The following RANBP2 variants were observed in gnomAD, a reference collection of about 807,000 sequenced individuals.
RANBP2 encodes RAN binding protein 2, also known as E3 SUMO-protein ligase RanBP2.
RANBP2 carries 57 observed loss-of-function variants against 303.6 expected under a neutral mutation model. The observed-to-expected ratio is 0.19, with a 90% CI of 0.15 to 0.23. The LOEUF is 0.23. Ranked by LOEUF, RANBP2 falls within the 10% of genes least tolerant of loss-of-function variation. RANBP2 has a pLI of 1.00. For missense variants in RANBP2, 3,138 were observed against 3,780.8 expected (o/e 0.83, Z 4.46); for synonymous variants, 1,167 against 1,301.5 (o/e 0.90, Z 2.23).
chr2:108,981,913 C>T, the RANBP2 span, among the ~76,000 whole-genome samples: 1 of 152,224 alleles, frequency 6.6e-6, no homozygotes, highest in East Asian at 1.9e-4. Flanking sequence ...AACAAATGCC[C>T]AATAAATGTG....
At chr2:109,596,591 T>C in the RANBP2 span, among the ~76,000 whole-genome samples, 20 of 151,154 alleles carry the variant, frequency 1.3e-4, no homozygotes, top group African/African-American at 3.7e-4. Context: ...CACTCCAGCC[T>C]GGCAGACAGC....
At position 108,763,618 on chromosome 2, in the gene RANBP2, C is replaced by A; in HGVS notation, c.3079C>A (p.Gln1027Lys). The A allele has an allele frequency of 1.9e-6, 3 of 1,614,162 alleles. No individual in the cohort carries two copies. Among genetic ancestry groups the A allele is most frequent in the Non-Finnish European group, 2.5e-6 (3 of 1,180,012 alleles). Residue 1027 changes from glutamine (Q) to lysine (K), a missense_variant, in exon 20 of 29, where the codon CAG becomes AAG. Coordinates refer to ENST00000283195, the MANE Select transcript of RANBP2 (RefSeq NM_006267.5). ...TTTGCCAACACAAGCACACACAACA[C>A]AGCCAACTCCTTTTAAATTTAACTC... ...PSLPTQAHTT[Q>K]PTPFKFNSNF...
chr2:109,004,172 C>T, the RANBP2 span, among the ~76,000 whole-genome samples: 4 of 152,326 alleles, frequency 2.6e-5, no homozygotes, highest in Middle Eastern at 3.4e-3. Flanking sequence ...GGTCTTGTAT[C>T]TCAGGAGCTC....
the RANBP2 span, among the ~76,000 whole-genome samples, chr2:109,334,840 G>T: frequency 6.6e-6 from 1 of 152,192 alleles, no homozygotes; most frequent in Admixed American, 6.5e-5. Context: ...CCCCTCAGTA[G>T]CACTTCCAGG....
the RANBP2 span, among the ~76,000 whole-genome samples, chr2:109,321,797 G>A: frequency 1.3e-5 from 2 of 152,170 alleles, no homozygotes; most frequent in Admixed American, 6.5e-5. Context: ...TGTTCGCGAG[G>A]GATTGGTCAC....
chr2:108,787,369 C>G (rs1679038675), downstream of RANBP2, among the ~76,000 whole-genome samples: 1 of 152,210 alleles, frequency 6.6e-6, no homozygotes, highest in Non-Finnish European at 1.5e-5. Flanking sequence ...TCTCCCCTTC[C>G]CTCCCTACAA....
the RANBP2 span, among the ~76,000 whole-genome samples, chr2:109,108,980 A>G: frequency 6.6e-6 from 1 of 152,232 alleles, no homozygotes; most frequent in Non-Finnish European, 1.5e-5. Context: ...GCTGCTGGGC[A>G]TAAGTGCTGC....
Position 108,772,924 on chromosome 2 carries a change from G to T in RANBP2, c.8170G>T (p.Ala2724Ser). Residue 2724 changes from alanine (A) to serine (S), a missense_variant, in exon 23 of 29, where the codon GCA becomes TCA. Around this residue, in one of 20 missense-constraint regions of RANBP2, gnomAD observed 497 missense variants for 465.8 expected, o/e 1.07. Transcript: ENST00000283195. ...AAAGAAACCAACAGTTGAAGAGAAGGCAAAAGCAGATACGTTAAAACTTCC... is the reference window on the plus strand; with the variant it reads ...AAAGAAACCAACAGTTGAAGAGAAGTCAAAAGCAGATACGTTAAAACTTCC... ...WEKKPTVEEK[A>S]KADTLKLPPT... The T allele has an allele frequency of 6.2e-7, 1 of 1,613,976 alleles. No individual in the cohort carries two copies. The highest frequency in any genetic ancestry group is 8.5e-7 in the Non-Finnish European group (1 of 1,179,960).
the RANBP2 span, among the ~76,000 whole-genome samples, chr2:109,344,396 T>C: frequency 1.3e-5 from 2 of 152,186 alleles, no homozygotes; most frequent in Non-Finnish European, 2.9e-5. Flanking sequence ...AAGCCCTGCA[T>C]GTTCCAGGTT....
chr2:109,747,641 C>T, the RANBP2 span, among the ~76,000 whole-genome samples: 10 of 150,678 alleles, frequency 6.6e-5, no homozygotes, highest in Admixed American at 1.3e-4. Context: ...CCAGTTACTC[C>T]GGAGGCTGAG....
chr2:109,451,049 C>T, the RANBP2 span, among the ~76,000 whole-genome samples: 2,465 of 152,334 alleles, frequency 0.016, 66 homozygotes, highest in African/African-American at 0.056. Context: ...GAGCCGGGAA[C>T]GCTGCAGACA....
At chr2:108,912,948 C>CT in the RANBP2 span, among the ~76,000 whole-genome samples, 14,546 of 139,088 alleles carry the variant, frequency 0.1, 971 homozygotes, top group African/African-American at 0.19. Flanking sequence ...CGTTATTGTT[C>CT]TTTTTTTTTT....
chr2:109,524,423 T>C, the RANBP2 span, among the ~76,000 whole-genome samples: 1 of 120,574 alleles, frequency 8.3e-6, no homozygotes, highest in Non-Finnish European at 1.6e-5. Context: ...GATCTTAGGG[T>C]GACAGAGTGG....
chr2:108,873,564 A>G, the RANBP2 span: 1 of 1,608,626 alleles, frequency 6.2e-7, no homozygotes, highest in Non-Finnish European at 8.5e-7. Flanking sequence ...ACTCAGTATT[A>G]TTTTACAGAA....
the RANBP2 span, among the ~76,000 whole-genome samples, chr2:109,060,012 T>C: frequency 6.6e-6 from 1 of 152,134 alleles, no homozygotes; most frequent in African/African-American, 2.4e-5. Context: ...ACTTCTAGAG[T>C]ACCCTCAGCT....
At chr2:109,134,266 C>T in the RANBP2 span, among the ~76,000 whole-genome samples, 3 of 152,244 alleles carry the variant, frequency 2.0e-5, no homozygotes, top group South Asian at 6.2e-4. Context: ...CCCTTCTGTC[C>T]AGTTTGGCTG....
chr2:109,681,252 AG>A, the RANBP2 span, among the ~76,000 whole-genome samples: 2 of 152,214 alleles, frequency 1.3e-5, no homozygotes, highest in African/African-American at 4.8e-5. Flanking sequence ...AGGACTCCAG[AG>A]GAGGGTTTCT....
the RANBP2 span, among the ~76,000 whole-genome samples, chr2:109,087,276 C>T: frequency 1.3e-5 from 2 of 152,146 alleles, no homozygotes; most frequent in African/African-American, 4.8e-5. Flanking sequence ...TTGGATGACT[C>T]TTGGCAAGGG....
At chr2:109,006,633 G>GT in the RANBP2 span, among the ~76,000 whole-genome samples, 1 of 152,208 alleles carries the variant, frequency 6.6e-6, no homozygotes, top group Non-Finnish European at 1.5e-5. Flanking sequence ...TGGCCTAGCT[G>GT]TGTGTACCCT....
Sources: gnomAD v4.1 joint callset for allele counts (sites outside exome capture counted in the v4.1 genomes callset) on GRCh38, gnomAD v4.1.1 for gene constraint, gnomAD v4.1.1 regional missense constraint, MANE v1.5 for transcripts, NCBI Gene and HGNC (gene_info 2026-07-23, HGNC 2026-07-21) for gene names.